The following FGF11 variants were observed in gnomAD, a reference collection of about 807,000 sequenced individuals.
FGF11 encodes fibroblast growth factor 11.
Under a neutral mutation model 25.1 loss-of-function variants are expected in FGF11, and 25 were observed. That is an observed-to-expected ratio of 1.00 (90% CI 0.73 to 1.39). The LOEUF is 1.39. Among genes scored for constraint, FGF11 ranks in the 40% most tolerant of loss-of-function variants. FGF11 has a pLI of 0.00. For missense variants in FGF11, 320 were observed against 311.0 expected, an observed-to-expected ratio of 1.03 and a Z score of -0.22; for synonymous variants, 130 against 128.9, an observed-to-expected ratio of 1.01 and a Z score of -0.06.
In FGF11 at chr17:7,439,811, C is replaced by T. The variant is rs1044827794; in HGVS notation, c.191C>T (p.Pro64Leu). 3.5e-6 allele frequency: 5 copies of T among 1,427,446 alleles called. No homozygotes were observed. The highest frequency in any genetic ancestry group is 2.9e-5 in the East Asian group (1 of 34,402). The allele number at this position is 1,427,446 out of a possible 1,614,324, so 88.4% of individuals were successfully genotyped here. The stretch of plus-strand genomic sequence containing the variant: ...CGGCCCGCGCGGCCGGACCGCGGCC[C>T]GGGTGAGTGCGGCTGGGGCGGGGTC... Reference protein sequence around the residue: ...GGRPARPDRGPEPQLKGIVTK... With the variant: ...GGRPARPDRGLEPQLKGIVTK... The change falls in exon 1 of 5, where the codon CCG becomes CTG. Residue 64 changes from proline to leucine, a missense_variant and splice_region_variant. By Grantham distance (98) the Pro-to-Leu change is moderately conservative (BLOSUM62 -3). Coordinates refer to ENST00000293829, the MANE Select transcript of FGF11 (RefSeq NM_004112.4).
Position 7,442,734 on chromosome 17 carries a change from G to C in FGF11, c.549G>C (p.Lys183Asn). ...LGLDKEGQVM[K>N]GNRVKKTKAA... ...TGGACAAGGAGGGCCAGGTCATGAA[G>C]GGAAACCGAGTTAAGAAGACCAAGG... Residue 183 changes from lysine (K) to asparagine (N), a missense_variant, in exon 4 of 5, where the codon AAG becomes AAC. Physicochemically the swap from Lys to Asn is moderately conservative, Grantham distance 94. Transcript: ENST00000293829. The C allele has an allele frequency of 1.2e-6, 2 of 1,614,062 alleles. No individual in the cohort carries two copies. The highest frequency in any genetic ancestry group is 1.7e-6 in the Non-Finnish European group (2 of 1,179,952).
At chr17:7,441,747 G>C (rs758778613) in intron 2 of FGF11, 29 bp from the exon 3 acceptor site, 4 of 1,575,974 alleles carry the variant, frequency 2.5e-6, no homozygotes, top group Non-Finnish European at 3.5e-6. Context: ...AGAGGCCTGG[G>C]TATTGATGCT....
At position 7,439,779 on chromosome 17, in the gene FGF11, C is replaced by CG. The variant is rs747700449; in HGVS notation, c.165dup (p.Arg56AlafsTer75). On this transcript the variant is annotated frameshift_variant, in exon 1 of 5. Transcript: ENST00000293829. LOFTEE classifies it high-confidence loss of function. ...TCCTGCTGTCCAAGGTGCGACTGTGCGGGGGGCGGCCCGCGCGGCCGGACC... is the reference window on the plus strand; with the variant it reads ...TCCTGCTGTCCAAGGTGCGACTGTGCGGGGGGGCGGCCCGCGCGGCCGGACC... The CG allele has an allele frequency of 4.0e-6, 6 of 1,485,518 alleles. No homozygotes were observed. Among genetic ancestry groups the CG allele is most frequent in the Non-Finnish European group, 3.6e-6 (4 of 1,125,374 alleles). The allele number at this position is 1,485,518 out of a possible 1,614,324, so 92.0% of individuals were successfully genotyped here.
chr17:7,440,867 G>A lies in FGF11; in HGVS notation c.194-604G>A. The stretch of plus-strand genomic sequence containing the variant: ...GTTACCTGGCCGAAGGGGAGAGGCT[G>A]AGCCTCAGGGAGAACTGGGCCCCCG... On this transcript the variant is annotated intron_variant, in intron 1 of 4. Coordinates refer to ENST00000293829, the MANE Select transcript of FGF11 (RefSeq NM_004112.4). The surrounding 1 kb of genome is among the most constrained non-coding windows in gnomAD (Gnocchi z 5.4). The A allele has an allele frequency of 1.0e-6, 1 of 989,652 alleles. No homozygotes were observed. The highest frequency in any genetic ancestry group is 1.7e-5 in the African/African-American group (1 of 57,380). The allele number at this position is 989,652 out of a possible 1,614,324, so 61.3% of individuals were successfully genotyped here.
At chr17:7,443,018 C>A in intron 4 of FGF11, 58 bp from the exon 5 acceptor site, 1 of 1,399,232 alleles carries the variant, frequency 7.1e-7, no homozygotes. Flanking sequence ...ACTGGTTCTG[C>A]CTGGGTCCCT....
At position 7,439,702 on chromosome 17, in the gene FGF11, C is replaced by T; in HGVS notation, c.82C>T (p.Arg28Trp). 1 of 1,564,040 alleles carries T rather than the reference C, an allele frequency of 6.4e-7. No homozygotes were observed. Among genetic ancestry groups the T allele is most frequent in the African/African-American group, 1.4e-5 (1 of 71,048 alleles). The change falls in exon 1 of 5, where the codon CGG becomes TGG. Residue 28 changes from arginine (R) to tryptophan (W), a missense_variant. Transcript: ENST00000293829. ...PGGSRPVSAQ[R>W]RVCPRGTKSL... is the part of the protein sequence containing the mutation. Reference sequence around the variant, plus strand: ...GGGCAGCCGGCCGGTGTCGGCGCAGCGGCGCGTGTGTCCCCGCGGCACCAA... The same window carrying T: ...GGGCAGCCGGCCGGTGTCGGCGCAGTGGCGCGTGTGTCCCCGCGGCACCAA...
At position 7,442,653 on chromosome 17, in the gene FGF11, G is replaced by A. The variant is rs1262151247; in HGVS notation, c.468G>A (p.Leu156=). Residue 156 remains leucine (L), a synonymous_variant, in exon 4 of 5, where the codon CTG becomes CTA. Transcript: ENST00000293829. The part of the protein sequence containing the change: ...KECVFENYYV[L]YASALYRQRR... ...GTGTCTTTGAGAATTACTACGTCCT[G>A]TACGCCTCTGCTCTCTACCGCCAGC... 1 of 1,614,190 alleles carries A rather than the reference G, an allele frequency of 6.2e-7. No individual in the cohort carries two copies. The highest frequency in any genetic ancestry group is 1.7e-5 in the Admixed American group (1 of 60,018).
chr17:7,441,209 A>T, intron 1 of FGF11: 3 of 354,026 alleles, frequency 8.5e-6, no homozygotes, highest in Non-Finnish European at 5.3e-6. Context: ...GTTGAGCTGT[A>T]GGGTAGGAAT....
At position 7,441,529 on chromosome 17, in the gene FGF11, G is replaced by A. The variant is rs761624596; in HGVS notation, c.252G>A (p.Gln84=). The change falls in exon 2 of 5, where the codon CAG becomes CAA. Residue 84 remains glutamine, a synonymous_variant. Transcript: ENST00000293829. ...TCTGCCGCCAGGGTTTCTACCTCCA[G>A]GCGAATCCCGACGGAAGCATCCAGG... ...KLFCRQGFYL[Q]ANPDGSIQGT... is the part of the protein sequence containing the mutation. 7.4e-6 allele frequency: 12 copies of A among 1,614,066 alleles called. No individual in the cohort carries two copies. The highest frequency in any genetic ancestry group is 5.0e-5 in the Admixed American group (3 of 59,998).
At position 7,443,218 on chromosome 17, in the gene FGF11, C is replaced by A; in HGVS notation, c.*72C>A. On this transcript the variant is annotated 3_prime_UTR_variant, in exon 5 of 5. Coordinates refer to ENST00000293829, the MANE Select transcript of FGF11 (RefSeq NM_004112.4). ...CCACCACCACAACCTGTCTCCCAGT[C>A]CTGCTCTCACCCCTGCTGCCACACA... 2.1e-6 allele frequency: 2 copies of A among 936,082 alleles called. No homozygotes were observed. Among genetic ancestry groups the A allele is most frequent in the Admixed American group, 2.1e-5 (1 of 47,992 alleles). The allele number at this position is 936,082 out of a possible 1,614,324, so 58.0% of individuals were successfully genotyped here. A position where few individuals can be genotyped will look rare whatever the true frequency, so the allele number is the denominator to read the frequency against.
rs745910451 is a variant in FGF11 at position 7,439,676 on chromosome 17, G to T, written c.56G>T (p.Gly19Val). The T allele has an allele frequency of 1.3e-6, 2 of 1,538,260 alleles. No individual in the cohort carries two copies. Residue 19 changes from glycine to valine, a missense_variant, in exon 1 of 5, where the codon GGG becomes GTG. By Grantham distance (109) the Gly-to-Val change is moderately radical. Coordinates refer to ENST00000293829, the MANE Select transcript of FGF11 (RefSeq NM_004112.4). ...IRQKREVREP[G>V]GSRPVSAQRR... ...CAGAAGCGGGAGGTCCGCGAGCCCG[G>T]GGGCAGCCGGCCGGTGTCGGCGCAG...
In FGF11 at chr17:7,440,482, A is replaced by G; in HGVS notation, c.193+669A>G. Reference sequence around the variant, plus strand: ...CTCAGGGGACCCTACGCTGGCAGGAACTCAGACACAGTTCACGGCTAGAGA... The same window carrying G: ...CTCAGGGGACCCTACGCTGGCAGGAGCTCAGACACAGTTCACGGCTAGAGA... On this transcript the variant is annotated intron_variant, in intron 1 of 4. Transcript: ENST00000293829. This position sits in a 1 kb window ranked among gnomAD's most constrained non-coding sequence, Gnocchi z 5.4. The G allele has an allele frequency of 5.4e-6, 1 of 186,364 alleles. No homozygotes were observed. The highest frequency in any genetic ancestry group is 1.0e-5 in the Non-Finnish European group (1 of 99,742). The allele number at this position is 186,364 out of a possible 1,614,324, so 11.5% of individuals were successfully genotyped here.
chr17:7,438,764 G>C (rs1908171721), upstream of FGF11, among the ~76,000 whole-genome samples: 1 of 152,158 alleles, frequency 6.6e-6, no homozygotes, highest in Non-Finnish European at 1.5e-5. Flanking sequence ...AGCCAGGGGA[G>C]AAAAAAACAA....
rs1597743996 is a variant in FGF11, at chr17:7,441,765, T to C, written c.305-11T>C. 5 of 1,591,380 alleles carry C rather than the reference T, an allele frequency of 3.1e-6. No individual in the cohort carries two copies. Among genetic ancestry groups the C allele is most frequent in the Middle Eastern group, 1.7e-4 (1 of 5,914 alleles). Reference sequence around the variant, plus strand: ...GGCCTGGGTATTGATGCTCCCTCTCTCCACCTGCAGCCCACTTCAACCTGA... The same window carrying C: ...GGCCTGGGTATTGATGCTCCCTCTCCCCACCTGCAGCCCACTTCAACCTGA... On this transcript the variant is annotated splice_polypyrimidine_tract_variant and intron_variant, in intron 2 of 4. Transcript: ENST00000293829.
At position 7,439,620 on chromosome 17, in the gene FGF11, T is replaced by A; in HGVS notation, c.-1T>A. The A allele has an allele frequency of 7.0e-7, 1 of 1,432,812 alleles. No individual in the cohort carries two copies. The allele number at this position is 1,432,812 out of a possible 1,614,324, so 88.8% of individuals were successfully genotyped here. A position where few individuals can be genotyped will look rare whatever the true frequency, so the allele number is the denominator to read the frequency against. ...TTGGGGGTGTCTCCTCCCGGGGCGC[T>A]ATGGCGGCGCTGGCCAGTAGCCTGA... On this transcript the variant is annotated 5_prime_UTR_variant, in exon 1 of 5. Coordinates refer to ENST00000293829, the MANE Select transcript of FGF11 (RefSeq NM_004112.4).
chr17:7,442,935 G>A, intron 4 of FGF11, 141 bp from the exon 5 acceptor site: 1 of 1,176,936 alleles, frequency 8.5e-7, no homozygotes, highest in Non-Finnish European at 1.2e-6. Context: ...CCCTTTGGGG[G>A]TTTGGGTGCG....
At chr17:7,442,488 C>A in intron 3 of FGF11, 106 bp from the exon 4 acceptor site, 2 of 1,550,200 alleles carry the variant, frequency 1.3e-6, no homozygotes, top group East Asian at 2.3e-5. Context: ...TTGTCCTCCC[C>A]CTCCCCCAAA....
At position 7,443,395 on chromosome 17, in the gene FGF11, T is replaced by A. The variant is rs1908440060; in HGVS notation, c.*249T>A. 4.5e-6 allele frequency: 2 copies of A among 448,834 alleles called. No individual in the cohort carries two copies. The highest frequency in any genetic ancestry group is 7.9e-6 in the Non-Finnish European group (2 of 253,376). 27.8% of individuals were successfully genotyped at this position (448,834 alleles called of 1,614,324 possible). A position where few individuals can be genotyped will look rare whatever the true frequency, so the allele number is the denominator to read the frequency against. On this transcript the variant is annotated 3_prime_UTR_variant, in exon 5 of 5. Transcript: ENST00000293829. ...TCTGAAGATGGTCCTGGCTGATCAC[T>A]TCTTTCTTTCCACACTCACACAACG...
Position 7,443,659 on chromosome 17 carries a change from A to G in FGF11, c.*513A>G, listed in dbSNP as rs1567675430. ...CCCTCGCCAGGGCCACTTCTGCACT[A>G]GGGCTCTGTGCTGGAACCCAGGCAT... On this transcript the variant is annotated 3_prime_UTR_variant, in exon 5 of 5. Transcript: ENST00000293829. The G allele has an allele frequency of 6.5e-6, 1 of 153,856 alleles. No homozygotes were observed. The highest frequency in any genetic ancestry group is 1.4e-5 in the Non-Finnish European group (1 of 69,152). 9.5% of individuals were successfully genotyped at this position (153,856 alleles called of 1,614,324 possible).
Sources: allele counts gnomAD v4.1 joint callset (sites outside exome capture counted in the v4.1 genomes callset), GRCh38; gene constraint gnomAD v4.1.1; non-coding constraint Gnocchi (gnomAD v3.1); transcripts MANE v1.5; gene names NCBI Gene and HGNC (gene_info 2026-07-23, HGNC 2026-07-21).